Variants in GDPD5 observed in about 807,000 individuals in gnomAD.
GDPD5 encodes the protein glycerophosphodiester phosphodiesterase domain containing 5, also known as glycerophosphodiester phosphodiesterase 2.
Under a neutral mutation model 75.1 loss-of-function variants are expected in GDPD5, and 48 were observed. The observed-to-expected ratio is 0.64, with a 90% CI of 0.51 to 0.81. The LOEUF (loss-of-function observed/expected upper bound fraction) is 0.81. GDPD5 is among the 40% of genes least tolerant of loss of function. The pLI, the probability that GDPD5 is intolerant of heterozygous loss-of-function variation, is 0.00. For synonymous variants in GDPD5, 336 were observed against 339.0 expected, an observed-to-expected ratio of 0.99 and a Z score of 0.10; for missense variants, 706 against 822.6, an observed-to-expected ratio of 0.86 and a Z score of 1.73.
chr11:75,437,320 T>C (rs1309592755), intron 15 of GDPD5: 2 of 470,792 alleles, frequency 4.2e-6, no homozygotes. Flanking sequence ...TAGTTCTGTC[T>C]CAGGTGTCCC....
intron 9 of GDPD5, chr11:75,448,446 TG>T: frequency 1.0e-6 from 1 of 982,856 alleles, no homozygotes; most frequent in South Asian, 4.7e-5. Flanking sequence ...GGAGCTGTGC[TG>T]GGATGCTAAC....
At chr11:75,504,923 C>T (rs575414997) in intron 1 of GDPD5, among the ~76,000 whole-genome samples, 13 of 152,054 alleles carry the variant, frequency 8.5e-5, no homozygotes, top group African/African-American at 2.2e-4. Context: ...GTCAGGAGTT[C>T]GAGACCAGCC....
At chr11:75,501,565 C>A (rs1335293383) in intron 1 of GDPD5, among the ~76,000 whole-genome samples, 2 of 152,148 alleles carry the variant, frequency 1.3e-5, no homozygotes, top group Non-Finnish European at 1.5e-5. Context: ...TTTGGCTGGG[C>A]CAGGGCTCCA....
intron 1 of GDPD5, among the ~76,000 whole-genome samples, chr11:75,519,131 A>G (rs2135510621): frequency 6.6e-6 from 1 of 151,982 alleles, no homozygotes; most frequent in Admixed American, 6.6e-5. Flanking sequence ...ACAGATGGAG[A>G]GATGGTGTGG....
rs1948936953 is a variant in GDPD5, at chr11:75,444,508, G to T, written c.715-13C>A. 2 of 1,602,192 alleles carry T rather than the reference G, an allele frequency of 1.2e-6. No homozygotes were observed. The highest frequency in any genetic ancestry group is 1.1e-5 in the South Asian group (1 of 90,870). On this transcript the variant is annotated splice_polypyrimidine_tract_variant and intron_variant, in intron 9 of 16. Transcript: ENST00000336898. ...GCTCTGGAGCCAGCTGGGGAAGAAGGGGTGGTGAAGGGAGAGCCAAGATTC... is the reference window on the plus strand; with the variant it reads ...GCTCTGGAGCCAGCTGGGGAAGAAGTGGTGGTGAAGGGAGAGCCAAGATTC...
intron 16 of GDPD5, among the ~76,000 whole-genome samples, chr11:75,436,680 C>G (rs373590589): frequency 2.7e-4 from 41 of 152,326 alleles, no homozygotes; most frequent in Non-Finnish European, 1.6e-4. Context: ...CCCTGCCCAC[C>G]AACCATGGCA....
intron 1 of GDPD5, among the ~76,000 whole-genome samples, chr11:75,514,402 G>C (rs1479577502): frequency 3.3e-5 from 5 of 152,260 alleles, no homozygotes; most frequent in Admixed American, 3.3e-4. Flanking sequence ...GGCCCGAAAT[G>C]GTTGCTAACT....
chr11:75,477,498 C>A, intron 3 of GDPD5, 121 bp downstream of exon 3: 1 of 494,372 alleles, frequency 2.0e-6, no homozygotes, highest in Admixed American at 3.8e-5. Context: ...AACTGAAACC[C>A]AGAAAGGCCA....
intron 1 of GDPD5, among the ~76,000 whole-genome samples, chr11:75,491,187 A>G (rs934886606): frequency 6.6e-6 from 1 of 152,202 alleles, no homozygotes; most frequent in Non-Finnish European, 1.5e-5. Flanking sequence ...ACAGAGCTGG[A>G]CTCAGAGACA....
At position 75,441,236 on chromosome 11, in the gene GDPD5, C is replaced by T. The variant is rs765764819; in HGVS notation, c.1400G>A (p.Cys467Tyr). The change falls in exon 14 of 17, where the codon TGT (cysteine) becomes TAT (tyrosine). Residue 467 changes from cysteine to tyrosine, a missense_variant. Transcript: ENST00000336898. ...NAPWLFSLLW[C>Y]AGVPSVTSDN... ...AGAGGTGACGGATGGGACCCCCGCA[C>T]ACCACAGCAGGGAGAAGAGCCACGG... 9 of 1,614,112 alleles carry T rather than the reference C, an allele frequency of 5.6e-6. No homozygotes were observed. The Admixed American group carries it at 1.2e-4, about 21-fold the overall frequency.
chr11:75,501,018 T>C (rs1372698275), intron 1 of GDPD5, among the ~76,000 whole-genome samples: 2 of 152,208 alleles, frequency 1.3e-5, no homozygotes, highest in African/African-American at 4.8e-5. Flanking sequence ...TCCAACTGCA[T>C]AGCTGACTGC....
intron 13 of GDPD5, 86 bp from the exon 14 acceptor site, chr11:75,441,396 A>G: frequency 6.6e-7 from 1 of 1,520,634 alleles, no homozygotes; most frequent in Non-Finnish European, 9.1e-7. Flanking sequence ...CGTCCTGTTC[A>G]CGACCTCACA....
intron 1 of GDPD5, among the ~76,000 whole-genome samples, chr11:75,505,301 C>A (rs1241528390): frequency 6.6e-6 from 1 of 152,030 alleles, no homozygotes; most frequent in Non-Finnish European, 1.5e-5. Flanking sequence ...GACCTTTGGC[C>A]CCTGCCTCCC....
intron 1 of GDPD5, among the ~76,000 whole-genome samples, chr11:75,519,336 C>T (rs898347838): frequency 1.3e-5 from 2 of 152,200 alleles, no homozygotes; most frequent in East Asian, 1.9e-4. Flanking sequence ...CACCCAGCGC[C>T]GGGCAACCCC....
At chr11:75,442,708 G>A in intron 11 of GDPD5, 127 bp from the exon 12 acceptor site, 1 of 790,040 alleles carries the variant, frequency 1.3e-6, no homozygotes, top group South Asian at 1.7e-5. Context: ...GCAGATTGAT[G>A]GCTGTGGCCA....
intron 1 of GDPD5, among the ~76,000 whole-genome samples, chr11:75,513,075 G>A (rs1305149767): frequency 6.6e-6 from 1 of 152,174 alleles, no homozygotes; most frequent in Non-Finnish European, 1.5e-5. Flanking sequence ...CACGTGGAGG[G>A]TTCTGGATAA....
intron 6 of GDPD5, among the ~76,000 whole-genome samples, chr11:75,456,384 C>A (rs1413735340): frequency 6.6e-6 from 1 of 152,168 alleles, no homozygotes; most frequent in East Asian, 1.9e-4. Flanking sequence ...AGGCAGGGCC[C>A]CCAGAGGGTG....
chr11:75,435,570 G>GGTGGC lies in GDPD5; in HGVS notation c.1750_1754dup (p.Val587ProfsTer16). ...TGCCACCCCCTCGGGGGCCCACAGGGGTGGCGGTGCTGTTGGCATATGTGT... is the reference window on the plus strand; with the variant it reads ...TGCCACCCCCTCGGGGGCCCACAGGGGTGGCGTGGCGGTGCTGTTGGCATATGTGT... On this transcript the variant is annotated frameshift_variant, in exon 17 of 17. Coordinates refer to ENST00000336898, the MANE Select transcript of GDPD5 (RefSeq NM_030792.8). LOFTEE classifies it high-confidence loss of function. The GGTGGC allele has an allele frequency of 6.2e-7, 1 of 1,613,560 alleles. No homozygotes were observed. Among genetic ancestry groups the GGTGGC allele is most frequent in the Non-Finnish European group, 8.5e-7 (1 of 1,179,784 alleles).
At chr11:75,494,950 TCAA>T (rs889807862) in intron 1 of GDPD5, among the ~76,000 whole-genome samples, 12 of 150,940 alleles carry the variant, frequency 8.0e-5, no homozygotes, top group East Asian at 3.9e-4. Flanking sequence ...AGACTCCATC[TCAA>T]CAACAACAAC....
Sources: allele counts gnomAD v4.1 joint callset (sites outside exome capture counted in the v4.1 genomes callset), GRCh38; gene constraint gnomAD v4.1.1; transcripts MANE v1.5; gene names NCBI Gene and HGNC (gene_info 2026-07-23, HGNC 2026-07-21).